Variants in RAB3C observed in about 807,000 individuals in gnomAD.
The protein encoded by RAB3C is ras-related protein Rab-3C.
In RAB3C, 17 loss-of-function variants were observed where a neutral mutation model predicts 26.4. The ratio of observed to expected loss-of-function variants is 0.64; its 90% CI spans 0.44 to 0.97. RAB3C has a LOEUF of 0.97. RAB3C is among the 50% of genes least tolerant of loss of function. RAB3C has a pLI of 0.00. For missense variants in RAB3C, 242 were observed against 281.9 expected, an observed-to-expected ratio of 0.86 and a Z score of 1.01; for synonymous variants, 91 against 95.9, an observed-to-expected ratio of 0.95 and a Z score of 0.30.
At chr5:58,820,210 T>TA (rs59654318) in intron 3 of RAB3C, among the ~76,000 whole-genome samples, 9,016 of 136,480 alleles carry the variant, frequency 0.066, 339 homozygotes, top group South Asian at 0.13. Context: ...CACTGAAACT[T>TA]AAAAAAAAAA....
chr5:58,723,950 TAA>T (rs143102302), intron 2 of RAB3C, among the ~76,000 whole-genome samples: 5,370 of 151,930 alleles, frequency 0.035, 284 homozygotes, highest in African/African-American at 0.12. Context: ...ATTTGAATTA[TAA>T]GTGATGCCCC....
intron 2 of RAB3C, among the ~76,000 whole-genome samples, chr5:58,656,159 C>G (rs1045271134): frequency 7.2e-5 from 11 of 152,230 alleles, no homozygotes; most frequent in Middle Eastern, 3.4e-3. Context: ...ATAAAGGTAT[C>G]AACAGAGATA....
intron 4 of RAB3C, among the ~76,000 whole-genome samples, chr5:58,834,199 C>T (rs942075643): frequency 2.6e-5 from 4 of 152,166 alleles, no homozygotes; most frequent in Non-Finnish European, 2.9e-5. Context: ...CAGTTTCAGT[C>T]CAGCTTGCCA....
intron 3 of RAB3C, among the ~76,000 whole-genome samples, chr5:58,803,756 C>A (rs1013892819): frequency 6.6e-6 from 1 of 152,076 alleles, no homozygotes; most frequent in Non-Finnish European, 1.5e-5. Flanking sequence ...GTTCTCTGGG[C>A]TTCTTAAAAA....
intron 2 of RAB3C, among the ~76,000 whole-genome samples, chr5:58,716,458 G>C (rs974527291): frequency 2.0e-5 from 3 of 152,010 alleles, no homozygotes; most frequent in Non-Finnish European, 4.4e-5. Flanking sequence ...CTGATCTTTG[G>C]TATGACCTGT....
At chr5:58,622,263 T>C (rs567371495) in intron 2 of RAB3C, among the ~76,000 whole-genome samples, 1 of 152,118 alleles carries the variant, frequency 6.6e-6, no homozygotes, top group Non-Finnish European at 1.5e-5. Flanking sequence ...GAAAGCCCTA[T>C]AATGGAGGTG....
At chr5:58,618,190 C>T (rs1746865324) in intron 2 of RAB3C, among the ~76,000 whole-genome samples, 1 of 152,086 alleles carries the variant, frequency 6.6e-6, no homozygotes, top group Admixed American at 6.6e-5. Context: ...ATCTCTGTAA[C>T]CTTGAGAAAG....
At chr5:58,847,641 T>A (rs1744032094) in intron 4 of RAB3C, among the ~76,000 whole-genome samples, 1 of 152,150 alleles carries the variant, frequency 6.6e-6, no homozygotes. Flanking sequence ...AGCATCCTCA[T>A]ACACAGGTGA....
intron 2 of RAB3C, among the ~76,000 whole-genome samples, chr5:58,693,033 G>A (rs1284035925): frequency 6.6e-6 from 1 of 151,624 alleles, no homozygotes; most frequent in East Asian, 1.9e-4. Context: ...CTTGAACCCA[G>A]GAGGCAGAGG....
chr5:58,805,677 A>G (rs2112032646), intron 3 of RAB3C, among the ~76,000 whole-genome samples: 1 of 152,224 alleles, frequency 6.6e-6, no homozygotes, highest in African/African-American at 2.4e-5. Context: ...AAATGTTCCC[A>G]GATGATGAGT....
intron 2 of RAB3C, among the ~76,000 whole-genome samples, chr5:58,707,696 CCA>C (rs1484244510): frequency 5.3e-5 from 8 of 152,110 alleles, no homozygotes; most frequent in Admixed American, 2.0e-4. Flanking sequence ...GTACACATTC[CCA>C]GACTCAGCTG....
chr5:58,812,283 C>T (rs765196230), intron 3 of RAB3C, among the ~76,000 whole-genome samples: 1 of 152,124 alleles, frequency 6.6e-6, no homozygotes, highest in Non-Finnish European at 1.5e-5. Context: ...TCACTCCCAC[C>T]TCTCCACTTC....
upstream of RAB3C, chr5:58,582,466 C>T: frequency 1.0e-6 from 1 of 973,804 alleles, no homozygotes; most frequent in Non-Finnish European, 1.2e-6. Flanking sequence ...ATCTCGCTTT[C>T]ACGCACTTCG....
chr5:58,757,386 A>ATTTTCTGACATTGACTTTT (rs1309114520), intron 3 of RAB3C, among the ~76,000 whole-genome samples: 1 of 148,044 alleles, frequency 6.8e-6, no homozygotes, highest in African/African-American at 2.5e-5. Context: ...CTTTCTTTTT[A>ATTTTCTGACATTGACTTTT]TTTTCTGACA....
At chr5:58,674,467 T>G (rs1748183228) in intron 2 of RAB3C, among the ~76,000 whole-genome samples, 1 of 152,204 alleles carries the variant, frequency 6.6e-6, no homozygotes, top group African/African-American at 2.4e-5. Flanking sequence ...AGTTTTTCTT[T>G]CTCCTACAGA....
rs539379679 is a variant in RAB3C, at chr5:58,777,918, A to G, written c.372-47120A>G. On this transcript the variant is annotated intron_variant, in intron 3 of 4. Coordinates refer to ENST00000282878, the MANE Select transcript of RAB3C (RefSeq NM_138453.4). ...CTTCATCCATGTCCCTGCAAAGGAC[A>G]TGAACTCATCCCTTTTTATGGCTGC... is the stretch of plus-strand genomic sequence containing the variant. Among the ~76,000 whole-genome samples, 3 of 152,222 alleles carry G rather than the reference A, an allele frequency of 2.0e-5. No homozygotes were observed. In the East Asian group the frequency reaches 5.8e-4, roughly 30 times the overall value.
intron 3 of RAB3C, among the ~76,000 whole-genome samples, chr5:58,736,674 A>G (rs1212347424): frequency 6.6e-6 from 1 of 152,178 alleles, no homozygotes; most frequent in Non-Finnish European, 1.5e-5. Flanking sequence ...TTCTTTTTAT[A>G]AGGACATAGT....
rs980700695 is a variant in RAB3C at position 58,855,789 on chromosome 5, C to T, written c.*4438C>T. ...GAAGTTTATGACCAGAATAAAAAAG[C>T]CTTTACCCCTGCACAGCACTGTATC... is the stretch of plus-strand genomic sequence containing the variant. On this transcript the variant is annotated 3_prime_UTR_variant, in exon 5 of 5. Coordinates refer to ENST00000282878, the MANE Select transcript of RAB3C (RefSeq NM_138453.4). The T allele has an allele frequency of 1.3e-5, 2 of 152,134 alleles. No homozygotes were observed. Among genetic ancestry groups the T allele is most frequent in the Non-Finnish European group, 2.9e-5 (2 of 68,016 alleles). 9.4% of individuals were successfully genotyped at this position (152,134 alleles called of 1,614,324 possible).
chr5:58,850,026 C>T (rs561811407), intron 4 of RAB3C, among the ~76,000 whole-genome samples: 1 of 152,298 alleles, frequency 6.6e-6, no homozygotes, highest in South Asian at 2.1e-4. Context: ...TTAGAAAAGC[C>T]TTTCTATGTT....
Sources: gnomAD v4.1 joint callset for allele counts (sites outside exome capture counted in the v4.1 genomes callset) on GRCh38, gnomAD v4.1.1 for gene constraint, MANE v1.5 for transcripts, NCBI Gene and HGNC (gene_info 2026-07-23, HGNC 2026-07-21) for gene names.